PTPN13: variants seen among roughly 807,000 people sequenced by gnomAD.
PTPN13 encodes the protein protein tyrosine phosphatase non-receptor type 13, also known as tyrosine-protein phosphatase non-receptor type 13.
PTPN13 carries 191 observed loss-of-function variants against 284.0 expected under a neutral mutation model. That is an observed-to-expected ratio of 0.67 (90% CI 0.60 to 0.76). The LOEUF (loss-of-function observed/expected upper bound fraction) is 0.76. PTPN13 is among the 30% of genes least tolerant of loss of function. The probability of loss-of-function intolerance (pLI) is 0.00; values close to 1 mark genes in which losing one functional copy is unlikely to be tolerated. For missense variants in PTPN13, 2,797 were observed against 2,939.9 expected (o/e 0.95, Z 1.12); for synonymous variants, 986 against 1,022.3 (o/e 0.96, Z 0.68).
At chr4:86,668,092 G>A (rs1727291335) in intron 2 of PTPN13, among the ~76,000 whole-genome samples, 2 of 152,060 alleles carry the variant, frequency 1.3e-5, no homozygotes, top group Admixed American at 6.6e-5. Context: ...TTGAAATTAT[G>A]TTTAGCAACT....
At chr4:86,657,136 G>A (rs1018084291) in intron 2 of PTPN13, among the ~76,000 whole-genome samples, 13 of 152,176 alleles carry the variant, frequency 8.5e-5, no homozygotes, top group Non-Finnish European at 1.6e-4. Flanking sequence ...AGCTTCCCTT[G>A]GCTAGGAAAG....
At chr4:86,721,573 T>G (rs1000611778) in intron 9 of PTPN13, among the ~76,000 whole-genome samples, 6 of 151,910 alleles carry the variant, frequency 3.9e-5, no homozygotes, top group Admixed American at 1.3e-4. Context: ...GTATGATCAG[T>G]TTCATTACTA....
chr4:86,665,341 T>C (rs181146176), intron 2 of PTPN13, among the ~76,000 whole-genome samples: 71 of 152,362 alleles, frequency 4.7e-4, no homozygotes, highest in Admixed American at 5.2e-4. Flanking sequence ...CATGATTTCA[T>C]GTTATTAGAA....
Position 86,672,400 on chromosome 4 carries a change from A to G in PTPN13, c.151A>G (p.Ile51Val). The G allele has an allele frequency of 6.4e-7, 1 of 1,555,960 alleles. No individual in the cohort carries two copies. The highest frequency in any genetic ancestry group is 8.7e-7 in the Non-Finnish European group (1 of 1,149,336). The change falls in exon 3 of 48, where the codon ATT (isoleucine) becomes GTT (valine). Residue 51 changes from isoleucine (I) to valine (V), a missense_variant. Coordinates refer to ENST00000411767, the MANE Select transcript of PTPN13 (RefSeq NM_080683.3). ...LADPAALGFI[I>V]SPWSLLLLPS... Reference sequence around the variant, plus strand: ...TGATCCTGCTGCCCTTGGCTTCATCATTTCTCCATGGTCTCTGCTGTTGCT... The same window carrying G: ...TGATCCTGCTGCCCTTGGCTTCATCGTTTCTCCATGGTCTCTGCTGTTGCT...
chr4:86,810,034 G>T (rs1430877274), intron 46 of PTPN13, 50 bp downstream of exon 46: 1 of 1,468,328 alleles, frequency 6.8e-7, no homozygotes, highest in African/African-American at 1.4e-5. Context: ...AATAATGATG[G>T]AGTCTAATTT....
rs996886046 is a variant in PTPN13, at chr4:86,700,311, C to T, written c.635-930C>T. ...CACAGAAGGTAGCACATGAAATCTTCAGTGTTTATGGGCTATTGAGTTAGT... is the reference window on the plus strand; with the variant it reads ...CACAGAAGGTAGCACATGAAATCTTTAGTGTTTATGGGCTATTGAGTTAGT... On this transcript the variant is annotated intron_variant, in intron 6 of 47. Transcript: ENST00000411767. Among the ~76,000 whole-genome samples the T allele has an allele frequency of 3.9e-5, 6 of 152,082 alleles. No individual in the cohort carries two copies. The East Asian group carries it at 1.2e-3, about 29-fold the overall frequency.
At chr4:86,685,879 G>A (rs1729395331) in intron 3 of PTPN13, among the ~76,000 whole-genome samples, 1 of 152,146 alleles carries the variant, frequency 6.6e-6, no homozygotes, top group African/African-American at 2.4e-5. Flanking sequence ...CCATTTAAGA[G>A]AAATACTTAC....
chr4:86,774,638 G>A, intron 33 of PTPN13, 107 bp downstream of exon 33: 1 of 1,038,758 alleles, frequency 9.6e-7, no homozygotes, highest in Non-Finnish European at 1.3e-6. Flanking sequence ...TTCGGTTTAT[G>A]CTTTCTGTTT....
rs1363090178 is a variant in PTPN13 at position 86,690,592 on chromosome 4, C to T, written c.546+1402C>T. ...CACTTTATGGATAAGGAAACTGATA[C>T]CCAAACAACTATGGGATTTGAGTTT... On this transcript the variant is annotated intron_variant, in intron 5 of 47. Coordinates refer to ENST00000411767, the MANE Select transcript of PTPN13 (RefSeq NM_080683.3). Among the ~76,000 whole-genome samples the T allele has an allele frequency of 2.0e-5, 3 of 152,054 alleles. No individual in the cohort carries two copies. In the East Asian group the frequency reaches 5.8e-4, roughly 29 times the overall value.
chr4:86,769,165 T>C (rs1187660558), intron 28 of PTPN13, among the ~76,000 whole-genome samples: 1 of 152,174 alleles, frequency 6.6e-6, no homozygotes, highest in Non-Finnish European at 1.5e-5. Context: ...TTATCTGAGT[T>C]AAATTACACC....
At chr4:86,813,772 A>G (rs890838927) in intron 47 of PTPN13, among the ~76,000 whole-genome samples, 3 of 152,122 alleles carry the variant, frequency 2.0e-5, no homozygotes, top group African/African-American at 7.2e-5. Flanking sequence ...ATTTTAAAAC[A>G]TCAAAATGAG....
At chr4:86,730,444 A>T (rs1734803859) in intron 10 of PTPN13, among the ~76,000 whole-genome samples, 1 of 149,714 alleles carries the variant, frequency 6.7e-6, no homozygotes, top group Non-Finnish European at 1.5e-5. Flanking sequence ...GGCCTTGCTG[A>T]GCTGCGGTGG....
chr4:86,806,652 CCA>C (rs944923555), intron 44 of PTPN13, among the ~76,000 whole-genome samples: 4 of 151,988 alleles, frequency 2.6e-5, no homozygotes, highest in African/African-American at 9.7e-5. Context: ...GGATTTACTC[CCA>C]CAAAACAAAT....
chr4:86,645,298 A>C (rs1438224659), intron 2 of PTPN13, among the ~76,000 whole-genome samples: 3 of 152,100 alleles, frequency 2.0e-5, no homozygotes, highest in Non-Finnish European at 4.4e-5. Flanking sequence ...TAAAACATTG[A>C]CTCTTCCCCT....
At chr4:86,618,865 G>C (rs564892119) in intron 1 of PTPN13, among the ~76,000 whole-genome samples, 34 of 152,194 alleles carry the variant, frequency 2.2e-4, no homozygotes, top group African/African-American at 7.2e-4. Context: ...CAATCATGTC[G>C]TCTGCAAACA....
intron 2 of PTPN13, among the ~76,000 whole-genome samples, chr4:86,644,369 C>G (rs1008786444): frequency 6.6e-6 from 1 of 152,050 alleles, no homozygotes; most frequent in Non-Finnish European, 1.5e-5. Context: ...TGAACTCCTG[C>G]CCTCAAGCGA....
chr4:86,613,506 C>T (rs1432264042), intron 1 of PTPN13, among the ~76,000 whole-genome samples: 1 of 151,916 alleles, frequency 6.6e-6, no homozygotes, highest in East Asian at 1.9e-4. Flanking sequence ...TGGTGACGGG[C>T]GCCTGTAATC....
chr4:86,758,714 T>C lies in PTPN13; in HGVS notation c.3350T>C (p.Leu1117Pro). 1 of 1,613,858 alleles carries C rather than the reference T, an allele frequency of 6.2e-7. No individual in the cohort carries two copies. Among genetic ancestry groups the C allele is most frequent in the South Asian group, 1.1e-5 (1 of 91,076 alleles). ...QIIGGEKMGR[L>P]DLGIFISSVA... ...ATTGGTGGGGAGAAGATGGGAAGAC[T>C]GGACCTAGGCATATTTATCAGTTCA... The change falls in exon 22 of 48, where the codon CTG (leucine) becomes CCG (proline). Residue 1117 changes from leucine (L) to proline (P), a missense_variant. Leu to Pro is a moderately conservative substitution (Grantham distance 98). Transcript: ENST00000411767.
chr4:86,608,888 T>G (rs765109256), intron 1 of PTPN13, among the ~76,000 whole-genome samples: 51 of 152,208 alleles, frequency 3.4e-4, no homozygotes, highest in Non-Finnish European at 6.3e-4. Flanking sequence ...TGATGGCAGT[T>G]ATTTACAGAG....
Sources: gnomAD v4.1 joint callset for allele counts (sites outside exome capture counted in the v4.1 genomes callset) on GRCh38, gnomAD v4.1.1 for gene constraint, MANE v1.5 for transcripts, NCBI Gene and HGNC (gene_info 2026-07-23, HGNC 2026-07-21) for gene names.